ARHGEF38: variants seen among roughly 807,000 people sequenced by gnomAD.
ARHGEF38 encodes Rho guanine nucleotide exchange factor 38.
A neutral mutation model predicts 79.9 loss-of-function variants in ARHGEF38; 79 were observed. That is an observed-to-expected ratio of 0.99 (90% CI 0.82 to 1.19). The LOEUF (loss-of-function observed/expected upper bound fraction) is 1.19, where lower values mean the gene tolerates loss of function less well. Among genes scored for constraint, ARHGEF38 ranks in the 50% most tolerant of loss-of-function variants. The probability of loss-of-function intolerance (pLI) is 0.00; values close to 1 mark genes in which losing one functional copy is unlikely to be tolerated. For missense variants in ARHGEF38, 962 were observed against 907.2 expected (o/e 1.06, Z -0.78); for synonymous variants, 366 against 328.3 (o/e 1.11, Z -1.24).
At chr4:105,645,033 TGTC>T (rs1244139167) in intron 5 of ARHGEF38, among the ~76,000 whole-genome samples, 152 bp from the exon 6 acceptor site, 1 of 152,236 alleles carries the variant, frequency 6.6e-6, no homozygotes, top group Non-Finnish European at 1.5e-5. Context: ...TGCTTCTTTC[TGTC>T]GTCTTTTGCT....
Position 105,679,818 on chromosome 4 carries a change from T to TA in ARHGEF38, c.*1882dup. ...TTACCCACGCATCCAGAGAGATGGA[T>TA]ATAGGACTCAATATCCTGAGGAGGA... On this transcript the variant is annotated 3_prime_UTR_variant, in exon 14 of 14. Transcript: ENST00000420470. 1 of 1,235,232 alleles carries TA rather than the reference T, an allele frequency of 8.1e-7. No homozygotes were observed. Among genetic ancestry groups the TA allele is most frequent in the Non-Finnish European group, 1.2e-6 (1 of 840,724 alleles). 76.5% of individuals were successfully genotyped at this position (1,235,232 alleles called of 1,614,324 possible). A position where few individuals can be genotyped will look rare whatever the true frequency, so the allele number is the denominator to read the frequency against.
chr4:105,610,803 T>A (rs367810987), intron 2 of ARHGEF38, among the ~76,000 whole-genome samples: 1 of 152,092 alleles, frequency 6.6e-6, no homozygotes, highest in Non-Finnish European at 1.5e-5. Context: ...AGATTACAGA[T>A]AAAATGTAGA....
At chr4:105,638,606 G>C (rs1010298534) in intron 5 of ARHGEF38, among the ~76,000 whole-genome samples, 2 of 152,104 alleles carry the variant, frequency 1.3e-5, no homozygotes, top group African/African-American at 4.8e-5. Context: ...ACAATCAGCA[G>C]TCACATTCCA....
intron 2 of ARHGEF38, among the ~76,000 whole-genome samples, chr4:105,604,437 A>G (rs1345262501): frequency 6.6e-6 from 1 of 152,114 alleles, no homozygotes; most frequent in East Asian, 1.9e-4. Flanking sequence ...CTTCTGTTTC[A>G]GCCTTCTTTT....
At chr4:105,674,766 A>G (rs1731062939) in intron 13 of ARHGEF38, among the ~76,000 whole-genome samples, 1 of 152,078 alleles carries the variant, frequency 6.6e-6, no homozygotes, top group Non-Finnish European at 1.5e-5. Flanking sequence ...ATGAGAATAT[A>G]TTTTAATATT....
At chr4:105,638,641 T>G (rs1269971244) in intron 5 of ARHGEF38, among the ~76,000 whole-genome samples, 13 of 152,180 alleles carry the variant, frequency 8.5e-5, no homozygotes, top group Non-Finnish European at 1.5e-5. Context: ...AGCATTGCAG[T>G]GAGTCCCTCA....
chr4:105,595,156 C>T (rs1352548439), intron 2 of ARHGEF38, among the ~76,000 whole-genome samples: 1 of 152,088 alleles, frequency 6.6e-6, no homozygotes, highest in Non-Finnish European at 1.5e-5. Flanking sequence ...CTATAGAATT[C>T]CTCAGCTACT....
At chr4:105,572,604 A>T (rs1425760275) in intron 1 of ARHGEF38, among the ~76,000 whole-genome samples, 2 of 152,130 alleles carry the variant, frequency 1.3e-5, no homozygotes, top group African/African-American at 4.8e-5. Flanking sequence ...GATTTCGACT[A>T]TTCTAAGTAC....
chr4:105,667,385 A>T (rs1730790215), intron 12 of ARHGEF38, 58 bp downstream of exon 12: 1 of 1,532,768 alleles, frequency 6.5e-7, no homozygotes, highest in South Asian at 1.2e-5. Context: ...CTGAGGGCAC[A>T]TGTTTGGGAA....
At chr4:105,664,963 T>C (rs1730695499) in intron 10 of ARHGEF38, among the ~76,000 whole-genome samples, 1 of 152,116 alleles carries the variant, frequency 6.6e-6, no homozygotes, top group African/African-American at 2.4e-5. Flanking sequence ...TTGAATCCAT[T>C]TGGAAGCCAG....
chr4:105,682,140 GATATA>G (rs1224051440), downstream of ARHGEF38, among the ~76,000 whole-genome samples: 2 of 151,878 alleles, frequency 1.3e-5, no homozygotes, highest in African/African-American at 4.8e-5. Context: ...ATTGGAAAAA[GATATA>G]CCCTTAAATA....
At chr4:105,648,799 C>T in intron 7 of ARHGEF38, 117 bp downstream of exon 7, 1 of 992,522 alleles carries the variant, frequency 1.0e-6, no homozygotes, top group Non-Finnish European at 1.4e-6. Context: ...GGTAATTGCC[C>T]TATGCTGTTC....
At chr4:105,631,327 T>C in intron 4 of ARHGEF38, 2 of 1,053,752 alleles carry the variant, frequency 1.9e-6, no homozygotes, top group Non-Finnish European at 2.3e-6. Flanking sequence ...GAAAAGCCTC[T>C]TCTTAAAGCT....
In ARHGEF38 at chr4:105,602,746, G is replaced by A. The variant is rs144326374; in HGVS notation, c.385-10638G>A. ...CCCAGCAAAATCCAAACTCGGCTGA[G>A]TTTTGAGAATCTTCTGGAACTCAGG... On this transcript the variant is annotated intron_variant, in intron 2 of 13. Transcript: ENST00000420470. Among the ~76,000 whole-genome samples the A allele has an allele frequency of 2.4e-4, 36 of 152,294 alleles. 1 individual carries two copies. The East Asian group carries it at 4.6e-3, about 20-fold the overall frequency.
chr4:105,608,782 G>C (rs975891321), intron 2 of ARHGEF38, among the ~76,000 whole-genome samples: 4 of 151,678 alleles, frequency 2.6e-5, no homozygotes, highest in African/African-American at 9.7e-5. Flanking sequence ...GTGTCATGGG[G>C]GTTTGTTGTA....
At chr4:105,626,926 C>G (rs1728972492) in intron 3 of ARHGEF38, among the ~76,000 whole-genome samples, 3 of 151,754 alleles carry the variant, frequency 2.0e-5, no homozygotes, top group Admixed American at 2.0e-4. Flanking sequence ...ATCTTACTCT[C>G]CACACCTATC....
chr4:105,579,828 G>A (rs981546197), intron 1 of ARHGEF38, among the ~76,000 whole-genome samples: 2 of 152,118 alleles, frequency 1.3e-5, no homozygotes, highest in African/African-American at 4.8e-5. Context: ...ATTCGTACAT[G>A]TGTTTGAATT....
At chr4:105,594,618 A>C (rs1727494410) in intron 2 of ARHGEF38, among the ~76,000 whole-genome samples, 1 of 152,240 alleles carries the variant, frequency 6.6e-6, no homozygotes, top group Non-Finnish European at 1.5e-5. Context: ...GAAGTTGAAA[A>C]CTGAGGAAAG....
downstream of ARHGEF38, among the ~76,000 whole-genome samples, chr4:105,681,199 A>G (rs1405639849): frequency 6.6e-6 from 1 of 152,120 alleles, no homozygotes; most frequent in Non-Finnish European, 1.5e-5. Context: ...TAATTGAGAT[A>G]ATGGATTATC....
Sources: allele counts gnomAD v4.1 joint callset (sites outside exome capture counted in the v4.1 genomes callset), GRCh38; gene constraint gnomAD v4.1.1; transcripts MANE v1.5; gene names NCBI Gene and HGNC (gene_info 2026-07-23, HGNC 2026-07-21).